The following ABI3BP variants were observed in gnomAD, a reference collection of about 807,000 sequenced individuals.
ABI3BP encodes target of Nesh-SH3.
ABI3BP carries 216 observed loss-of-function variants against 268.6 expected under a neutral mutation model. The observed-to-expected ratio is 0.80, with a 90% CI of 0.72 to 0.90. The LOEUF is 0.90. Among genes scored for constraint, ABI3BP ranks in the 40% least tolerant of loss-of-function variants. The pLI is 0.00. For synonymous variants in ABI3BP, 730 were observed against 730.0 expected (o/e 1.00, Z 0.00); for missense variants, 2,090 against 2,182.4 (o/e 0.96, Z 0.84).
chr3:100,913,842 C>T (rs2057640830), intron 2 of ABI3BP, among the ~76,000 whole-genome samples: 3 of 152,142 alleles, frequency 2.0e-5, no homozygotes, highest in Admixed American at 1.3e-4. Context: ...CTATAAGAGG[C>T]TGAGGATTAC....
chr3:100,813,731 C>T lies in ABI3BP; in HGVS notation c.3294G>A (p.Leu1098=). ...STDAPGTTFA[L]TELQTLILKP... ...TCAAAATAAGAGTTTGCAGTTCAGT[C>T]AGAGCTGAAAGAAGAGGGTCTCAAT... is the stretch of plus-strand genomic sequence containing the variant. Residue 1098 remains leucine, a synonymous_variant, in exon 45 of 68, where the codon CTG becomes CTA. Transcript: ENST00000471714. 2 of 1,535,020 alleles carry T rather than the reference C, an allele frequency of 1.3e-6. No individual in the cohort carries two copies. Among genetic ancestry groups the T allele is most frequent in the South Asian group, 2.4e-5 (2 of 83,982 alleles).
chr3:100,810,893 G>C (rs1410243461), intron 48 of ABI3BP, among the ~76,000 whole-genome samples: 1 of 152,158 alleles, frequency 6.6e-6, no homozygotes, highest in Non-Finnish European at 1.5e-5. Flanking sequence ...AGGTCAGAAA[G>C]TATAAATGGA....
rs148085851 is a variant in ABI3BP, at chr3:100,926,531, A to G, written c.80-50T>C. ...ATGGCTGTTACTTCCCCTTTTTAGC[A>G]TCCTACCCAACTTCCCAGCAAGTGT... On this transcript the variant is annotated intron_variant, in intron 1 of 67. Transcript: ENST00000471714. 62 of 1,538,964 alleles carry G rather than the reference A, an allele frequency of 4.0e-5. 1 individual carries two copies. Among genetic ancestry groups the G allele is most frequent in the Middle Eastern group, 3.4e-4 (2 of 5,918 alleles).
At chr3:100,952,782 G>A (rs1316153111) in intron 1 of ABI3BP, 1 of 150,338 alleles carries the variant, frequency 6.7e-6, no homozygotes, top group Non-Finnish European at 1.5e-5. Context: ...AAAAAGAAAA[G>A]TATTTTTAGG....
At chr3:100,904,250 C>T (rs2052028601) in intron 2 of ABI3BP, among the ~76,000 whole-genome samples, 1 of 152,164 alleles carries the variant, frequency 6.6e-6, no homozygotes, top group East Asian at 1.9e-4. Context: ...TATACAGTCA[C>T]ATGGGGCCCC....
intron 47 of ABI3BP, 120 bp from the exon 48 acceptor site, chr3:100,811,397 T>G: frequency 1.4e-6 from 1 of 731,130 alleles, no homozygotes; most frequent in Non-Finnish European, 2.2e-6. Context: ...GACAATGGAT[T>G]TAGACAGGAA....
At chr3:100,832,823 T>C (rs1020259201) in intron 30 of ABI3BP, among the ~76,000 whole-genome samples, 1 of 152,126 alleles carries the variant, frequency 6.6e-6, no homozygotes, top group Non-Finnish European at 1.5e-5. Context: ...CTTCATGATA[T>C]CATTTGATAC....
intron 62 of ABI3BP, among the ~76,000 whole-genome samples, chr3:100,769,490 A>C (rs990025042): frequency 6.6e-6 from 1 of 152,212 alleles, no homozygotes; most frequent in Non-Finnish European, 1.5e-5. Context: ...AATATATCCA[A>C]GTTGATGTGT....
At chr3:100,894,745 C>G (rs545101406) in intron 4 of ABI3BP, among the ~76,000 whole-genome samples, 2 of 151,902 alleles carry the variant, frequency 1.3e-5, no homozygotes, top group South Asian at 4.2e-4. Flanking sequence ...CAAGAACATC[C>G]TGGCTAACAC....
At chr3:100,857,489 C>G (rs896609568) in intron 14 of ABI3BP, among the ~76,000 whole-genome samples, 2 of 152,196 alleles carry the variant, frequency 1.3e-5, no homozygotes, top group African/African-American at 4.8e-5. Context: ...CACCTTAGAT[C>G]TCACAGATTT....
At position 100,808,200 on chromosome 3, in the gene ABI3BP, T is replaced by C. The variant is rs2097764884; in HGVS notation, c.3643A>G (p.Lys1215Glu). 1 of 1,611,558 alleles carries C rather than the reference T, an allele frequency of 6.2e-7. No homozygotes were observed. The highest frequency in any genetic ancestry group is 1.3e-5 in the African/African-American group (1 of 74,888). ...GGGATTCTTGGGCGTGGTGATGTTT[T>C]TGGCTTAGGAGGAGCACGTGGTGTC... is the stretch of plus-strand genomic sequence containing the variant. ...KQTPRAPPKP[K>E]TSPRPRIPQT... The change falls in exon 50 of 68, where the codon AAA (lysine) becomes GAA (glutamate). Residue 1215 changes from lysine (K) to glutamate (E), a missense_variant. Physicochemically the swap from Lys to Glu is moderately conservative, Grantham distance 56 (BLOSUM62 1). Coordinates refer to ENST00000471714, the MANE Select transcript of ABI3BP (RefSeq NM_001375547.2).
At chr3:100,852,418 A>C (rs1449531170) in intron 14 of ABI3BP, among the ~76,000 whole-genome samples, 2 of 152,246 alleles carry the variant, frequency 1.3e-5, no homozygotes, top group African/African-American at 4.8e-5. Flanking sequence ...CACAGTTTGC[A>C]GAGACTTACT....
Position 100,812,512 on chromosome 3 carries a change from G to T in ABI3BP, c.3376C>A (p.Leu1126Met). 2 of 1,328,094 alleles carry T rather than the reference G, an allele frequency of 1.5e-6. No individual in the cohort carries two copies. Among genetic ancestry groups the T allele is most frequent in the Middle Eastern group, 1.9e-4 (1 of 5,222 alleles). The allele number at this position is 1,328,094 out of a possible 1,614,324, so 82.3% of individuals were successfully genotyped here. Residue 1126 changes from leucine (L) to methionine (M), a missense_variant, in exon 46 of 68, where the codon CTG becomes ATG. Physicochemically the swap from Leu to Met is conservative, Grantham distance 15. Transcript: ENST00000471714. The part of the protein sequence containing the change: ...MTESQPVSDV[L>M]ESVTLSTESP... ...TCAGTACTAAGTGTAACCGATTCCA[G>T]AACATCAGAAACTAGTAAAAAACAG...
chr3:100,863,571 C>A (rs1056906785), intron 12 of ABI3BP: 7 of 163,190 alleles, frequency 4.3e-5, no homozygotes, highest in Non-Finnish European at 8.0e-5. Context: ...CTGCCTCAGC[C>A]TCCCAAAGTG....
Position 100,817,468 on chromosome 3 carries a change from G to T in ABI3BP, c.3116C>A (p.Thr1039Asn). The change falls in exon 42 of 68, where the codon ACT becomes AAT. Residue 1039 changes from threonine (T) to asparagine (N), a missense_variant. Transcript: ENST00000471714. The part of the protein sequence containing the change: ...MVVTTVLEPD[T>N]FRTKFPETTL... ...TGTTTCTGGAAACTTGGTTCTAAAA[G>T]TGTCAGGTTCAAGGACTGTAGTAAC... The T allele has an allele frequency of 1.3e-6, 2 of 1,510,536 alleles. No individual in the cohort carries two copies. Among genetic ancestry groups the T allele is most frequent in the Non-Finnish European group, 8.8e-7 (1 of 1,130,512 alleles). 93.6% of individuals were successfully genotyped at this position (1,510,536 alleles called of 1,614,324 possible). A position where few individuals can be genotyped will look rare whatever the true frequency, so the allele number is the denominator to read the frequency against.
chr3:100,760,723 A>G (rs1306923079), intron 63 of ABI3BP, among the ~76,000 whole-genome samples: 2 of 152,208 alleles, frequency 1.3e-5, no homozygotes, highest in South Asian at 2.1e-4. Flanking sequence ...CAGCTGCTCT[A>G]TTCGCAGAAC....
intron 57 of ABI3BP, among the ~76,000 whole-genome samples, chr3:100,786,402 C>T (rs1173022336): frequency 1.3e-5 from 2 of 152,072 alleles, no homozygotes; most frequent in African/African-American, 2.4e-5. Flanking sequence ...ATTTGTAATA[C>T]AAGTGGGCTT....
At chr3:100,759,946 A>C (rs2095849126) in intron 63 of ABI3BP, among the ~76,000 whole-genome samples, 1 of 152,248 alleles carries the variant, frequency 6.6e-6, no homozygotes, top group Non-Finnish European at 1.5e-5. Flanking sequence ...AATTTCGCAG[A>C]AACACTATGA....
intron 2 of ABI3BP, among the ~76,000 whole-genome samples, chr3:100,915,233 C>A (rs988434059): frequency 2.0e-5 from 3 of 152,164 alleles, no homozygotes; most frequent in African/African-American, 7.2e-5. Context: ...ACCCACCCCC[C>A]AGGGTAGAAA....
Sources: gnomAD v4.1 joint callset for allele counts (sites outside exome capture counted in the v4.1 genomes callset) on GRCh38, gnomAD v4.1.1 for gene constraint, MANE v1.5 for transcripts, NCBI Gene and HGNC (gene_info 2026-07-23, HGNC 2026-07-21) for gene names.